The following DPY19L4 variants were observed in gnomAD, a reference collection of about 807,000 sequenced individuals.
DPY19L4 encodes dpy-19 like 4.
A neutral mutation model predicts 102.8 loss-of-function variants in DPY19L4; 97 were observed. The observed-to-expected ratio is 0.94, with a 90% CI of 0.80 to 1.12. The LOEUF is 1.12. DPY19L4 is among the 50% of genes most tolerant of loss of function. The probability of loss-of-function intolerance (pLI) is 0.00; values close to 1 mark genes in which losing one functional copy is unlikely to be tolerated. For missense variants in DPY19L4, 815 were observed against 850.4 expected (o/e 0.96, Z 0.52); for synonymous variants, 252 against 283.1 (o/e 0.89, Z 1.10).
chr8:94,772,437 C>T (rs1349021149), intron 13 of DPY19L4, among the ~76,000 whole-genome samples: 2 of 152,234 alleles, frequency 1.3e-5, no homozygotes, highest in Admixed American at 1.3e-4. Context: ...TGAAAAGACA[C>T]AGATTAAAAT....
chr8:94,784,946 C>T (rs2130940520), intron 17 of DPY19L4, among the ~76,000 whole-genome samples: 1 of 152,254 alleles, frequency 6.6e-6, no homozygotes, highest in African/African-American at 2.4e-5. Flanking sequence ...ATGGTAACTT[C>T]ATATCTGAAA....
rs369952420 is a variant in DPY19L4 at position 94,765,730 on chromosome 8, G to T, written c.1022G>T (p.Ser341Ile). 1.4e-5 allele frequency: 23 copies of T among 1,602,056 alleles called. No individual in the cohort carries two copies. Among genetic ancestry groups the T allele is most frequent in the Non-Finnish European group, 2.0e-5 (23 of 1,172,208 alleles). ...CCACAGCTGAATGTGAAGAAAGGAA[G>T]TTTTGTAGCTAAAATAATAAAAGTG... The part of the protein sequence containing the change: ...KCLQLNVKKG[S>I]FVAKIIKVIN... Residue 341 changes from serine (S) to isoleucine (I), a missense_variant, in exon 10 of 19, where the codon AGT (serine) becomes ATT (isoleucine). Physicochemically the swap from Ser to Ile is moderately radical, Grantham distance 142. Transcript: ENST00000414645.
chr8:94,725,054 A>T (rs1444146628), intron 1 of DPY19L4, among the ~76,000 whole-genome samples: 1 of 152,170 alleles, frequency 6.6e-6, no homozygotes, highest in African/African-American at 2.4e-5. Context: ...TTTAGTGAAC[A>T]TACAAGTTTG....
chr8:94,764,435 G>A (rs1052619977), intron 8 of DPY19L4, among the ~76,000 whole-genome samples: 2 of 151,474 alleles, frequency 1.3e-5, no homozygotes, highest in African/African-American at 4.8e-5. Flanking sequence ...AAATTAGCCG[G>A]GCGTGGTGGT....
At chr8:94,746,392 A>G (rs1215347321) in intron 6 of DPY19L4, among the ~76,000 whole-genome samples, 1 of 152,200 alleles carries the variant, frequency 6.6e-6, no homozygotes, top group African/African-American at 2.4e-5. Context: ...CAATACGTTT[A>G]TAATTTATAA....
intron 18 of DPY19L4, 43 bp downstream of exon 18, chr8:94,788,095 A>ATATATATATATATATATATATTTTTTT (rs778540423): frequency 1.1e-6 from 1 of 939,262 alleles, no homozygotes; most frequent in African/African-American, 2.3e-5. Context: ...ATATATATAT[A>ATATATATATATATATATATATTTTTTT]TTTTTTTTTT....
At position 94,765,274 on chromosome 8, in the gene DPY19L4, T is replaced by G. The variant is rs755732198; in HGVS notation, c.962T>G (p.Leu321Ter). Residue 321 changes from leucine to a stop codon, truncating the protein, a stop_gained, in exon 9 of 19, where the codon TTA becomes TGA. Transcript: ENST00000414645. LOFTEE classifies it high-confidence loss of function. ...CCAGCTTTGTTGGTATCTCCTTTAT[T>G]AAGTTTAGTAGCAGCCTTAATGCTT... ...ENPALLVSPL[L>*]SLVAALMLAK... The G allele has an allele frequency of 1.5e-5, 24 of 1,610,036 alleles. No homozygotes were observed. Among genetic ancestry groups the G allele is most frequent in the Non-Finnish European group, 2.0e-5 (24 of 1,179,130 alleles).
Position 94,788,037 on chromosome 8 carries a change from C to G in DPY19L4, c.1992C>G (p.Asp664Glu), listed in dbSNP as rs1418932411. 2.1e-6 allele frequency: 3 copies of G among 1,463,248 alleles called. No homozygotes were observed. The highest frequency in any genetic ancestry group is 2.7e-6 in the Non-Finnish European group (3 of 1,107,510). The allele number at this position is 1,463,248 out of a possible 1,614,324, so 90.6% of individuals were successfully genotyped here. ...GCTGTAGGGTTAAAGATTTATTAGA[C>G]ATTGCAAATGGCCACGTAAGTAACC... ...MRGCRVKDLL[D>E]IANGHMVCEE... Residue 664 changes from aspartate to glutamate, a missense_variant, in exon 18 of 19, where the codon GAC becomes GAG. Coordinates refer to ENST00000414645, the MANE Select transcript of DPY19L4 (RefSeq NM_181787.3).
At position 94,728,988 on chromosome 8, in the gene DPY19L4, C is replaced by T. The variant is rs149073061; in HGVS notation, c.127+2547C>T. ...TTGAGGTTAGGAGTTCAGGACCGTC[C>T]TGGACAACATAGTGAGACCCTGTCT... On this transcript the variant is annotated intron_variant, in intron 2 of 18. Transcript: ENST00000414645. Among the ~76,000 whole-genome samples, 31 of 151,042 alleles carry T rather than the reference C, an allele frequency of 2.1e-4. No individual in the cohort carries two copies. In the East Asian group the frequency reaches 5.7e-3, roughly 28 times the overall value.
Position 94,788,038 on chromosome 8 carries a change from A to G in DPY19L4, c.1993A>G (p.Ile665Val), listed in dbSNP as rs143942673. ...CTGTAGGGTTAAAGATTTATTAGAC[A>G]TTGCAAATGGCCACGTAAGTAACCA... is the stretch of plus-strand genomic sequence containing the variant. The part of the protein sequence containing the change: ...RGCRVKDLLD[I>V]ANGHMVCEEG... The change falls in exon 18 of 19, where the codon ATT becomes GTT. Residue 665 changes from isoleucine to valine, a missense_variant. Transcript: ENST00000414645. The G allele has an allele frequency of 5.6e-4, 813 of 1,460,852 alleles. No homozygotes were observed. Among genetic ancestry groups the G allele is most frequent in the Middle Eastern group, 7.4e-4 (4 of 5,386 alleles). The allele number at this position is 1,460,852 out of a possible 1,614,324, so 90.5% of individuals were successfully genotyped here.
At chr8:94,730,009 C>T (rs1810875303) in intron 2 of DPY19L4, among the ~76,000 whole-genome samples, 1 of 150,818 alleles carries the variant, frequency 6.6e-6, no homozygotes, top group African/African-American at 2.4e-5. Flanking sequence ...TCCATAATTT[C>T]AGTAGATATA....
At chr8:94,755,046 C>T (rs1172813150) in intron 6 of DPY19L4, among the ~76,000 whole-genome samples, 1 of 152,116 alleles carries the variant, frequency 6.6e-6, no homozygotes, top group African/African-American at 2.4e-5. Context: ...CCTCAGCCTC[C>T]CAAATTGCTA....
chr8:94,749,529 C>T (rs751909373), intron 6 of DPY19L4, among the ~76,000 whole-genome samples: 4 of 152,122 alleles, frequency 2.6e-5, no homozygotes, highest in Non-Finnish European at 5.9e-5. Flanking sequence ...GATGGGACCT[C>T]ACACTCTAAA....
At chr8:94,783,943 A>G in intron 17 of DPY19L4, 141 bp downstream of exon 17, 1 of 988,580 alleles carries the variant, frequency 1.0e-6, no homozygotes, top group Non-Finnish European at 1.4e-6. Flanking sequence ...ATTTTAAAAA[A>G]CCTTTTTAAT....
At position 94,787,891 on chromosome 8, in the gene DPY19L4, C is replaced by G. The variant is rs1180529826; in HGVS notation, c.1849-3C>G. The stretch of plus-strand genomic sequence containing the variant: ...CAGTTTTATTTTAATTATATTCTTT[C>G]AGATCTACCAAATCTATTCAAAGCG... On this transcript the variant is annotated splice_region_variant and splice_polypyrimidine_tract_variant and intron_variant, in intron 17 of 18. Coordinates refer to ENST00000414645, the MANE Select transcript of DPY19L4 (RefSeq NM_181787.3). 3.0e-6 allele frequency: 4 copies of G among 1,346,796 alleles called. No homozygotes were observed. Among genetic ancestry groups the G allele is most frequent in the Non-Finnish European group, 3.9e-6 (4 of 1,038,730 alleles). 83.4% of individuals were successfully genotyped at this position (1,346,796 alleles called of 1,614,324 possible). A position where few individuals can be genotyped will look rare whatever the true frequency, so the allele number is the denominator to read the frequency against.
chr8:94,739,269 AT>A (rs2130818035), intron 4 of DPY19L4, 143 bp from the exon 5 acceptor site: 11 of 1,021,214 alleles, frequency 1.1e-5, no homozygotes, highest in Non-Finnish European at 1.5e-5. Flanking sequence ...ATTGTGCTAA[AT>A]TTTTAAAAAA....
chr8:94,740,471 T>C (rs58369514), intron 6 of DPY19L4, among the ~76,000 whole-genome samples: 4,264 of 152,226 alleles, frequency 0.028, 187 homozygotes, highest in African/African-American at 0.095. Context: ...TTTCATTTTT[T>C]TGAGACGGAG....
At chr8:94,724,570 C>T (rs541636533) in intron 1 of DPY19L4, among the ~76,000 whole-genome samples, 8 of 152,014 alleles carry the variant, frequency 5.3e-5, no homozygotes, top group Admixed American at 2.0e-4. Flanking sequence ...CTAATAATGT[C>T]ATTTTTTGTT....
chr8:94,760,190 C>T (rs1321694000), intron 7 of DPY19L4, among the ~76,000 whole-genome samples: 3 of 152,200 alleles, frequency 2.0e-5, no homozygotes, highest in Non-Finnish European at 4.4e-5. Flanking sequence ...TGAGAGTCAA[C>T]CCTTGGAATT....
Sources: gnomAD v4.1 joint callset for allele counts (sites outside exome capture counted in the v4.1 genomes callset) on GRCh38, gnomAD v4.1.1 for gene constraint, MANE v1.5 for transcripts, NCBI Gene and HGNC (gene_info 2026-07-23, HGNC 2026-07-21) for gene names.